USP54: variants seen among roughly 807,000 people sequenced by gnomAD.
The protein encoded by USP54 is ubiquitin specific peptidase 54, also known as ubiquitin carboxyl-terminal hydrolase 54.
USP54 carries 87 observed loss-of-function variants against 170.5 expected under a neutral mutation model. The observed-to-expected ratio is 0.51, with a 90% confidence interval of 0.43 to 0.61. The LOEUF (loss-of-function observed/expected upper bound fraction) is 0.61. Ranked by LOEUF, USP54 falls within the 20% of genes least tolerant of loss-of-function variation. The pLI is 0.00. For synonymous variants in USP54, 655 were observed against 742.8 expected, an observed-to-expected ratio of 0.88 and a Z score of 1.92; for missense variants, 1,786 against 2,047.8, an observed-to-expected ratio of 0.87 and a Z score of 2.47.
chr10:73,529,785 G>A lies in USP54; in HGVS notation c.1955C>T (p.Pro652Leu), dbSNP rs2063640397. The change falls in exon 15 of 24, where the codon CCC becomes CTC. Residue 652 changes from proline (P) to leucine (L), a missense_variant. Pro to Leu is a moderately conservative substitution (Grantham distance 98, BLOSUM62 -3). Transcript: ENST00000687698. ...AGATTCCATTCGCTGGATTAGTCGG[G>A]GGTGCTGCTCTAAAAGGTGAGAGCC... ...RPGSHLLEQH[P>L]RLIQRMESGY... 1.9e-6 allele frequency: 3 copies of A among 1,613,856 alleles called. No individual in the cohort carries two copies. Among genetic ancestry groups the A allele is most frequent in the Non-Finnish European group, 2.5e-6 (3 of 1,179,828 alleles).
At chr10:73,544,470 G>T (rs1418721685) in intron 5 of USP54, among the ~76,000 whole-genome samples, 1 of 152,088 alleles carries the variant, frequency 6.6e-6, no homozygotes, top group African/African-American at 2.4e-5. Flanking sequence ...TTCATAAACA[G>T]GTTTTGTTTT....
At chr10:73,604,536 TG>T (rs1212916274) in intron 1 of USP54, among the ~76,000 whole-genome samples, 1 of 151,898 alleles carries the variant, frequency 6.6e-6, no homozygotes, top group African/African-American at 2.4e-5. Flanking sequence ...CAGGATTGCT[TG>T]ATCTCATGAG....
At chr10:73,624,778 T>G (rs937327254) in intron 1 of USP54, among the ~76,000 whole-genome samples, 4 of 152,218 alleles carry the variant, frequency 2.6e-5, no homozygotes, top group Non-Finnish European at 5.9e-5. Context: ...TTTTCCCCTC[T>G]GTGATTTTTA....
intron 1 of USP54, among the ~76,000 whole-genome samples, chr10:73,576,987 T>C (rs1007195945): frequency 2.0e-5 from 3 of 152,186 alleles, no homozygotes; most frequent in African/African-American, 7.2e-5. Context: ...AATCATTTAA[T>C]CTCCAGATTA....
intron 1 of USP54, among the ~76,000 whole-genome samples, chr10:73,604,414 C>T (rs1239493233): frequency 6.6e-6 from 1 of 151,942 alleles, no homozygotes; most frequent in Non-Finnish European, 1.5e-5. Context: ...TATGATCCAG[C>T]AATTCTACTT....
At chr10:73,602,761 C>T (rs1359994734) in intron 1 of USP54, among the ~76,000 whole-genome samples, 2 of 142,400 alleles carry the variant, frequency 1.4e-5, no homozygotes, top group Non-Finnish European at 3.0e-5. Context: ...GAGACTGAGA[C>T]AGGAGAACTG....
At chr10:73,604,220 C>T (rs1277643359) in intron 1 of USP54, among the ~76,000 whole-genome samples, 1 of 151,946 alleles carries the variant, frequency 6.6e-6, no homozygotes, top group African/African-American at 2.4e-5. Context: ...CTGACTCCAG[C>T]CTGGGCGACA....
intron 4 of USP54, among the ~76,000 whole-genome samples, chr10:73,560,697 C>G (rs1263701425): frequency 2.1e-5 from 3 of 143,718 alleles, no homozygotes; most frequent in Non-Finnish European, 3.0e-5. Flanking sequence ...AAAGTGAGAC[C>G]AAAAGTCACA....
intron 4 of USP54, among the ~76,000 whole-genome samples, chr10:73,548,436 T>C (rs2068378105): frequency 6.6e-6 from 1 of 152,148 alleles, no homozygotes; most frequent in Non-Finnish European, 1.5e-5. Context: ...CACACGTATG[T>C]TTATTGCAGC....
At chr10:73,606,034 C>T (rs2079591447) in intron 1 of USP54, among the ~76,000 whole-genome samples, 3 of 151,448 alleles carry the variant, frequency 2.0e-5, no homozygotes, top group Admixed American at 6.6e-5. Flanking sequence ...AAAAATTAGC[C>T]AGGCGTGGTG....
At chr10:73,624,177 TATATATATATATATATATG>T (rs2081306226) in intron 1 of USP54, among the ~76,000 whole-genome samples, 3 of 111,130 alleles carry the variant, frequency 2.7e-5, no homozygotes, top group Non-Finnish European at 5.9e-5. Context: ...TATATATATA[TATATATATATATATATATG>T]TATTTTTTTT....
chr10:73,528,811 C>A (rs2063462575), intron 15 of USP54, among the ~76,000 whole-genome samples: 1 of 152,134 alleles, frequency 6.6e-6, no homozygotes, highest in African/African-American at 2.4e-5. Context: ...CATTTTTTTA[C>A]TGTGTATATT....
intron 5 of USP54, among the ~76,000 whole-genome samples, chr10:73,543,840 A>G (rs2067151764): frequency 6.6e-6 from 1 of 152,158 alleles, no homozygotes; most frequent in Non-Finnish European, 1.5e-5. Context: ...TTAGAGCCTT[A>G]CCCGTCCAAA....
chr10:73,528,080 T>G (rs2063280527), intron 15 of USP54, among the ~76,000 whole-genome samples: 2 of 147,458 alleles, frequency 1.4e-5, no homozygotes. Context: ...GGACTAGAGG[T>G]GCGCGCCACC....
chr10:73,571,262 T>C (rs889546440), intron 4 of USP54, among the ~76,000 whole-genome samples, 159 bp downstream of exon 4: 1 of 152,140 alleles, frequency 6.6e-6, no homozygotes, highest in Non-Finnish European at 1.5e-5. Flanking sequence ...TACTAATTCT[T>C]TGAAGCAAGC....
intron 17 of USP54, among the ~76,000 whole-genome samples, chr10:73,521,348 C>T (rs1379458077): frequency 1.3e-5 from 2 of 152,106 alleles, no homozygotes; most frequent in Admixed American, 6.6e-5. Context: ...ACAGTGCGAG[C>T]GGAGGAAGTC....
chr10:73,575,434 AT>A (rs1169223623), intron 3 of USP54, 77 bp downstream of exon 3: 11 of 1,425,982 alleles, frequency 7.7e-6, no homozygotes, highest in Non-Finnish European at 1.0e-5. Context: ...CAAACATTTT[AT>A]TTAAAAAGAG....
chr10:73,517,216 T>C lies in USP54; in HGVS notation c.3210A>G (p.Arg1070=). ...SSAQPSLPLY[R]TCHPIMPVAS... ...CAACAGGCATTATGGGGTGGCAGGT[T>C]CTATACAGGGGAAGGCTGGGCTGAG... is the stretch of plus-strand genomic sequence containing the variant. Residue 1070 remains arginine (R), a synonymous_variant, in exon 20 of 24, where the codon AGA becomes AGG. Coordinates refer to ENST00000687698, the MANE Select transcript of USP54 (RefSeq NM_001391956.1). The C allele has an allele frequency of 6.2e-7, 1 of 1,614,190 alleles. No individual in the cohort carries two copies. The highest frequency in any genetic ancestry group is 2.2e-5 in the East Asian group (1 of 44,884).
intron 1 of USP54, chr10:73,624,389 G>GGGGT (rs1564975296): frequency 4.2e-5 from 3 of 71,780 alleles, no homozygotes; most frequent in African/African-American, 2.1e-4. Flanking sequence ...TAGTAGAGAC[G>GGGGT]GGGGGGGGGG....
Sources: gnomAD v4.1 joint callset for allele counts (sites outside exome capture counted in the v4.1 genomes callset) on GRCh38, gnomAD v4.1.1 for gene constraint, MANE v1.5 for transcripts, NCBI Gene and HGNC (gene_info 2026-07-23, HGNC 2026-07-21) for gene names.